CSMD1: variants seen among roughly 807,000 people sequenced by gnomAD.
CSMD1 encodes the protein CUB and sushi domain-containing protein 1.
Under a neutral mutation model 417.5 loss-of-function variants are expected in CSMD1, and 213 were observed. The ratio of observed to expected loss-of-function variants is 0.51; its 90% CI spans 0.46 to 0.57. CSMD1 has a LOEUF of 0.57. Ranked by LOEUF, CSMD1 falls within the 20% of genes least tolerant of loss-of-function variation. The pLI is 0.00. For synonymous variants in CSMD1, 2,862 were observed against 1,736.8 expected (o/e 1.65, Z -16.11); for missense variants, 6,923 against 4,529.7 (o/e 1.53, Z -15.17).
At chr8:3,504,668 T>C (rs1390367852) in intron 10 of CSMD1, among the ~76,000 whole-genome samples, 7 of 152,244 alleles carry the variant, frequency 4.6e-5, no homozygotes, top group Non-Finnish European at 1.0e-4. Flanking sequence ...TTATCTAAAA[T>C]GACCTCTTAT....
intron 5 of CSMD1, among the ~76,000 whole-genome samples, chr8:3,770,102 G>C (rs1199938867): frequency 2.0e-5 from 3 of 152,162 alleles, no homozygotes; most frequent in Non-Finnish European, 4.4e-5. Context: ...CTTTCCATCA[G>C]AGCGATTGGC....
intron 3 of CSMD1, among the ~76,000 whole-genome samples, chr8:4,235,506 C>T (rs574129381): frequency 4.1e-4 from 63 of 152,042 alleles, no homozygotes; most frequent in Non-Finnish European, 7.8e-4. Flanking sequence ...GAAAACAAAT[C>T]TTCTAAGTAA....
At chr8:3,354,767 A>G (rs966157535) in intron 21 of CSMD1, among the ~76,000 whole-genome samples, 1 of 147,408 alleles carries the variant, frequency 6.8e-6, no homozygotes, top group African/African-American at 2.5e-5. Context: ...ATAGAATTAT[A>G]TACAGTTTAG....
intron 9 of CSMD1, among the ~76,000 whole-genome samples, chr8:3,580,362 C>T (rs988915474): frequency 4.6e-5 from 7 of 152,148 alleles, no homozygotes; most frequent in African/African-American, 7.2e-5. Flanking sequence ...TGGCATTTGA[C>T]GAACGGCATA....
intron 5 of CSMD1, among the ~76,000 whole-genome samples, chr8:3,901,044 G>T (rs762028312): frequency 6.6e-6 from 1 of 152,136 alleles, no homozygotes; most frequent in Non-Finnish European, 1.5e-5. Flanking sequence ...TAATAAGATG[G>T]CTTTTAATAA....
chr8:4,056,320 T>C (rs1299713855), intron 3 of CSMD1, among the ~76,000 whole-genome samples: 2 of 151,698 alleles, frequency 1.3e-5, no homozygotes, highest in African/African-American at 2.4e-5. Flanking sequence ...TGACCTTAGG[T>C]GATCCACCCG....
At chr8:3,893,364 A>ATTAT (rs1807124334) in intron 5 of CSMD1, among the ~76,000 whole-genome samples, 3 of 37,678 alleles carry the variant, frequency 8.0e-5, no homozygotes, top group Non-Finnish European at 1.3e-4. Flanking sequence ...TATATATATT[A>ATTAT]TTTTTTTTCT....
intron 3 of CSMD1, among the ~76,000 whole-genome samples, chr8:4,036,623 C>T (rs534606438): frequency 2.0e-3 from 310 of 152,258 alleles, no homozygotes; most frequent in Non-Finnish European, 3.3e-3. Context: ...TTAGAAGCAG[C>T]GGATGTCAAA....
intron 1 of CSMD1, among the ~76,000 whole-genome samples, chr8:4,780,059 G>A (rs776629166): frequency 9.2e-5 from 14 of 152,074 alleles, no homozygotes; most frequent in Non-Finnish European, 1.8e-4. Flanking sequence ...CCCTCATGGG[G>A]CACGTACTTC....
chr8:4,877,852 A>G (rs982221712), intron 1 of CSMD1, among the ~76,000 whole-genome samples: 1 of 152,102 alleles, frequency 6.6e-6, no homozygotes, highest in Non-Finnish European at 1.5e-5. Flanking sequence ...GAAAATATTT[A>G]AACAACAAAT....
intron 3 of CSMD1, among the ~76,000 whole-genome samples, chr8:4,092,382 T>A (rs1312531342): frequency 6.6e-6 from 1 of 152,144 alleles, no homozygotes; most frequent in African/African-American, 2.4e-5. Context: ...GCTGCTGTGC[T>A]CTCCACCGTA....
intron 5 of CSMD1, among the ~76,000 whole-genome samples, chr8:3,982,706 G>A (rs1259368065): frequency 6.6e-6 from 1 of 152,088 alleles, no homozygotes; most frequent in Non-Finnish European, 1.5e-5. Flanking sequence ...AAGATCAGGA[G>A]GCAGAGGGAA....
intron 3 of CSMD1, among the ~76,000 whole-genome samples, chr8:4,402,416 C>G (rs988318603): frequency 6.6e-6 from 1 of 152,090 alleles, no homozygotes; most frequent in South Asian, 2.1e-4. Flanking sequence ...ATTACTGCTG[C>G]GTTCCTGCAG....
intron 5 of CSMD1, among the ~76,000 whole-genome samples, chr8:3,926,075 A>G (rs2930367): frequency 8.3e-5 from 2 of 24,224 alleles, no homozygotes; most frequent in East Asian, 5.8e-3. Flanking sequence ...CACACACACA[A>G]ACACCATACA....
chr8:3,455,920 A>G (rs1816094074), intron 12 of CSMD1, among the ~76,000 whole-genome samples: 1 of 152,210 alleles, frequency 6.6e-6, no homozygotes, highest in Non-Finnish European at 1.5e-5. Flanking sequence ...TGGAGTCTAC[A>G]GAGGCAGGCA....
chr8:3,211,145 A>G (rs960296080), intron 30 of CSMD1, among the ~76,000 whole-genome samples: 3 of 152,108 alleles, frequency 2.0e-5, no homozygotes, highest in Non-Finnish European at 4.4e-5. Flanking sequence ...TCAGAGCTCA[A>G]GTGATACTCC....
At chr8:3,947,293 C>A (rs1811295146) in intron 5 of CSMD1, among the ~76,000 whole-genome samples, 1 of 152,030 alleles carries the variant, frequency 6.6e-6, no homozygotes, top group African/African-American at 2.4e-5. Context: ...ATTATGTATG[C>A]AGCTTTTAAT....
chr8:4,856,507 T>C (rs1468780767), intron 1 of CSMD1, among the ~76,000 whole-genome samples: 2 of 139,262 alleles, frequency 1.4e-5, no homozygotes, highest in Non-Finnish European at 3.1e-5. Context: ...CAGTGTGCTG[T>C]ATTCAGGAAA....
intron 66 of CSMD1, 55 bp downstream of exon 66, chr8:2,951,059 A>T: frequency 1.3e-6 from 2 of 1,550,430 alleles, no homozygotes; most frequent in Non-Finnish European, 1.7e-6. Flanking sequence ...CTGTGAAAAG[A>T]TAACAGGTCT....
Sources: gnomAD v4.1 joint callset for allele counts (sites outside exome capture counted in the v4.1 genomes callset) on GRCh38, gnomAD v4.1.1 for gene constraint, MANE v1.5 for transcripts, NCBI Gene and HGNC (gene_info 2026-07-23, HGNC 2026-07-21) for gene names.